Variants in GALNT13 observed in about 807,000 individuals in gnomAD.
GALNT13 encodes the protein UDP-GalNAc:polypeptide N-acetylgalactosaminyltransferase 13.
Under a neutral mutation model 64.2 loss-of-function variants are expected in GALNT13, and 28 were observed. The ratio of observed to expected loss-of-function variants is 0.44; its 90% confidence interval spans 0.32 to 0.60. GALNT13 has a LOEUF of 0.60. GALNT13 is among the 20% of genes least tolerant of loss of function. The pLI is 0.05. For synonymous variants in GALNT13, 214 were observed against 224.6 expected (o/e 0.95, Z 0.42); for missense variants, 577 against 669.8 (o/e 0.86, Z 1.53).
At chr2:153,464,340 A>G in the GALNT13 span, among the ~76,000 whole-genome samples, 1 of 152,056 alleles carries the variant, frequency 6.6e-6, no homozygotes, top group Non-Finnish European at 1.5e-5. Context: ...AAACTACAAG[A>G]TTCCTTCTAG....
At chr2:154,056,201 T>A (rs1450092645) in intron 3 of GALNT13, among the ~76,000 whole-genome samples, 2 of 152,168 alleles carry the variant, frequency 1.3e-5, no homozygotes, top group Non-Finnish European at 2.9e-5. Context: ...TGGAAAGCAT[T>A]TCAACCAAAA....
the GALNT13 span, among the ~76,000 whole-genome samples, chr2:153,330,823 C>T: frequency 1.7e-4 from 26 of 152,102 alleles, no homozygotes; most frequent in Non-Finnish European, 3.7e-4. Flanking sequence ...TGTTGGATAG[C>T]AGTAGTGACA....
At chr2:154,000,775 T>C (rs59020136) in intron 3 of GALNT13, among the ~76,000 whole-genome samples, 38,683 of 151,882 alleles carry the variant, frequency 0.25, 6,865 homozygotes, top group East Asian at 0.82. Flanking sequence ...AGCTGATGGA[T>C]TGAATATTCT....
chr2:154,374,745 G>A (rs1249900679), intron 9 of GALNT13, among the ~76,000 whole-genome samples: 1 of 152,108 alleles, frequency 6.6e-6, no homozygotes, highest in African/African-American at 2.4e-5. Context: ...ATTCCATATT[G>A]AGGTTTGAAC....
At chr2:154,148,655 T>G (rs1448964897) in intron 4 of GALNT13, among the ~76,000 whole-genome samples, 1 of 152,226 alleles carries the variant, frequency 6.6e-6, no homozygotes, top group Non-Finnish European at 1.5e-5. Context: ...GTGGTTTTGA[T>G]TTGCATTTCT....
At chr2:153,281,924 A>G in the GALNT13 span, among the ~76,000 whole-genome samples, 4 of 150,564 alleles carry the variant, frequency 2.7e-5, no homozygotes, top group Admixed American at 2.0e-4. Context: ...TTATCTGGAT[A>G]TCTTATATTT....
At chr2:153,565,855 T>G in the GALNT13 span, among the ~76,000 whole-genome samples, 1 of 152,110 alleles carries the variant, frequency 6.6e-6, no homozygotes. Flanking sequence ...TGTCTTATAA[T>G]GAAAATTCCT....
the GALNT13 span, among the ~76,000 whole-genome samples, chr2:153,200,699 G>A: frequency 6.6e-6 from 1 of 152,142 alleles, no homozygotes; most frequent in Admixed American, 6.5e-5. Flanking sequence ...GAGGATTAGA[G>A]AAATGCAGAA....
At chr2:153,903,111 A>T (rs1252858171) in intron 2 of GALNT13, among the ~76,000 whole-genome samples, 1 of 152,046 alleles carries the variant, frequency 6.6e-6, no homozygotes, top group Non-Finnish European at 1.5e-5. Flanking sequence ...AATCTCTTGT[A>T]TATATTCACT....
At chr2:154,229,987 C>T (rs1054005785) in intron 4 of GALNT13, among the ~76,000 whole-genome samples, 3 of 152,074 alleles carry the variant, frequency 2.0e-5, no homozygotes, top group African/African-American at 7.2e-5. Context: ...AAGAATACTC[C>T]ACAGATGCAC....
chr2:153,952,650 T>C (rs1692276550), intron 3 of GALNT13, among the ~76,000 whole-genome samples: 1 of 152,030 alleles, frequency 6.6e-6, no homozygotes, highest in African/African-American at 2.4e-5. Context: ...ACAGAACTAA[T>C]AGGATAGATG....
the GALNT13 span, among the ~76,000 whole-genome samples, chr2:153,759,987 A>G: frequency 1.4e-4 from 21 of 151,966 alleles, no homozygotes; most frequent in East Asian, 4.1e-3. Flanking sequence ...TTTTTTATAT[A>G]TTTTCTATTT....
At chr2:153,783,560 A>G in the GALNT13 span, among the ~76,000 whole-genome samples, 1 of 151,942 alleles carries the variant, frequency 6.6e-6, no homozygotes, top group African/African-American at 2.4e-5. Context: ...TGGACTTCAC[A>G]CCCTTTTATC....
the GALNT13 span, among the ~76,000 whole-genome samples, chr2:153,795,646 T>A: frequency 6.6e-6 from 1 of 152,188 alleles, no homozygotes; most frequent in Non-Finnish European, 1.5e-5. Context: ...AATATACTCT[T>A]GGATTCTAGT....
At chr2:153,216,720 T>C in the GALNT13 span, among the ~76,000 whole-genome samples, 1 of 152,108 alleles carries the variant, frequency 6.6e-6, no homozygotes, top group African/African-American at 2.4e-5. Context: ...AGGTTTTTGA[T>C]TTGTAAATAT....
At chr2:154,287,884 A>G (rs998402149) in intron 8 of GALNT13, among the ~76,000 whole-genome samples, 50 of 152,082 alleles carry the variant, frequency 3.3e-4, no homozygotes, top group African/African-American at 1.2e-3. Context: ...CACCTCTCCC[A>G]GTCTTGCTAG....
chr2:154,366,600 A>G (rs1697373801), intron 9 of GALNT13, among the ~76,000 whole-genome samples: 1 of 152,222 alleles, frequency 6.6e-6, no homozygotes, highest in Non-Finnish European at 1.5e-5. Context: ...AATTTTTAAC[A>G]TGTATTATAC....
the GALNT13 span, among the ~76,000 whole-genome samples, chr2:153,801,644 T>C: frequency 6.6e-6 from 1 of 152,118 alleles, no homozygotes; most frequent in African/African-American, 2.4e-5. Context: ...ATCACAGATA[T>C]AATAATAATG....
chr2:153,629,617 G>A, the GALNT13 span, among the ~76,000 whole-genome samples: 1 of 152,078 alleles, frequency 6.6e-6, no homozygotes, highest in Non-Finnish European at 1.5e-5. Context: ...AACACCAAAA[G>A]CAATGGCAAC....
Sources: gnomAD v4.1 joint callset for allele counts (sites outside exome capture counted in the v4.1 genomes callset) on GRCh38, gnomAD v4.1.1 for gene constraint, MANE v1.5 for transcripts, NCBI Gene and HGNC (gene_info 2026-07-23, HGNC 2026-07-21) for gene names.